ZFHX3: variants seen among roughly 807,000 people sequenced by gnomAD.
ZFHX3 encodes zinc finger homeobox protein 3.
Under a neutral mutation model 279.1 loss-of-function variants are expected in ZFHX3, and 42 were observed. The ratio of observed to expected loss-of-function variants is 0.15; its 90% CI spans 0.12 to 0.19. The LOEUF (loss-of-function observed/expected upper bound fraction) is 0.19. Among genes scored for constraint, ZFHX3 ranks in the 10% least tolerant of loss-of-function variants. The pLI is 1.00. For missense variants in ZFHX3, 4,981 were observed against 4,754.0 expected, an observed-to-expected ratio of 1.05 and a Z score of -1.40; for synonymous variants, 2,293 against 1,957.8, an observed-to-expected ratio of 1.17 and a Z score of -4.52.
At chr16:73,737,111 G>C (rs2053616437) in intron 1 of ZFHX3, among the ~76,000 whole-genome samples, 1 of 152,100 alleles carries the variant, frequency 6.6e-6, no homozygotes, top group Middle Eastern at 3.4e-3. Flanking sequence ...ACAGTACATT[G>C]TAGCCTCAGT....
intron 2 of ZFHX3, among the ~76,000 whole-genome samples, chr16:73,525,449 G>C (rs751445650): frequency 1.3e-5 from 2 of 152,110 alleles, no homozygotes; most frequent in Non-Finnish European, 2.9e-5. Flanking sequence ...ATGAAAAAGA[G>C]GATCTCACGG....
chr16:72,939,336 C>T lies in ZFHX3; in HGVS notation c.3216+11133G>A, dbSNP rs1056566293. Reference sequence around the variant, plus strand: ...CCTGGGCCTGCGACAATGAGCAGTTCGTAAAGAATCTGGAACATGAAACAT... The same window carrying T: ...CCTGGGCCTGCGACAATGAGCAGTTTGTAAAGAATCTGGAACATGAAACAT... On this transcript the variant is annotated intron_variant, in intron 3 of 9. Transcript: ENST00000268489. 8.5e-5 allele frequency among the ~76,000 whole-genome samples: 13 copies of T among 152,092 alleles called. No homozygotes were observed. In the East Asian group the frequency reaches 1.7e-3, roughly 20 times the overall value.
chr16:72,894,624 G>A (rs2038852206), intron 3 of ZFHX3, among the ~76,000 whole-genome samples: 1 of 152,208 alleles, frequency 6.6e-6, no homozygotes, highest in Admixed American at 6.5e-5. Context: ...TCATTTGGAG[G>A]AGGAGGGAGA....
chr16:72,849,760 C>T (rs1484863985), intron 4 of ZFHX3, among the ~76,000 whole-genome samples: 5 of 150,748 alleles, frequency 3.3e-5, no homozygotes, highest in African/African-American at 4.9e-5. Context: ...CCTGGTTGTT[C>T]GAGAGTAGGA....
chr16:73,361,555 T>C (rs1215390252), intron 3 of ZFHX3, among the ~76,000 whole-genome samples: 1 of 152,242 alleles, frequency 6.6e-6, no homozygotes. Flanking sequence ...CTCTCTTAAA[T>C]ATAATTTTCA....
chr16:73,158,073 G>T (rs1256397404), intron 5 of ZFHX3, among the ~76,000 whole-genome samples: 1 of 152,104 alleles, frequency 6.6e-6, no homozygotes, highest in East Asian at 1.9e-4. Context: ...TGGTATTTTG[G>T]TAATCCTTTG....
At chr16:73,663,505 A>T (rs1451087113) in intron 2 of ZFHX3, among the ~76,000 whole-genome samples, 1 of 152,190 alleles carries the variant, frequency 6.6e-6, no homozygotes, top group African/African-American at 2.4e-5. Flanking sequence ...GTATGATCCA[A>T]AGGAAAGCCA....
At chr16:73,035,155 A>C (rs1013952835) in intron 1 of ZFHX3, among the ~76,000 whole-genome samples, 2 of 146,010 alleles carry the variant, frequency 1.4e-5, no homozygotes, top group Non-Finnish European at 3.0e-5. Context: ...GATTTGGTAC[A>C]AAAAAAAGGG....
rs566333287 is a variant in ZFHX3 at position 73,569,932 on chromosome 16, CA to C, written c.-1547+110247del. Among the ~76,000 whole-genome samples, 9 of 151,928 alleles carry C rather than the reference CA, an allele frequency of 5.9e-5. No individual in the cohort carries two copies. The South Asian group carries it at 1.9e-3, about 32-fold the overall frequency. Reference sequence around the variant, plus strand: ...AGGGCAACCACCCGTTTCCCTTAATCACCCCCTCCATGAGAAGGCAGAGGGC... The same window carrying C: ...AGGGCAACCACCCGTTTCCCTTAATCCCCCCTCCATGAGAAGGCAGAGGGC... On this transcript the variant is annotated intron_variant, in intron 2 of 17. Coordinates refer to the ZFHX3 transcript ENST00000641206.
intron 1 of ZFHX3, among the ~76,000 whole-genome samples, chr16:73,690,641 C>G (rs1015189196): frequency 8.5e-5 from 13 of 152,230 alleles, no homozygotes; most frequent in Non-Finnish European, 1.0e-4. Context: ...GACCATGCAA[C>G]TTACTTTAGC....
intron 1 of ZFHX3, among the ~76,000 whole-genome samples, chr16:73,687,490 T>C (rs2053101335): frequency 6.6e-6 from 1 of 152,128 alleles, no homozygotes; most frequent in African/African-American, 2.4e-5. Flanking sequence ...GGCCCCACAG[T>C]GCATCTTCTG....
Position 73,093,541 on chromosome 16 carries a change from A to C in ZFHX3, c.-839T>G, listed in dbSNP as rs75228366. On this transcript the variant is annotated 5_prime_UTR_variant, in exon 8 of 18. Transcript: ENST00000641206. ...CTGTCCACTCTCGGGCTGTCACACA[A>C]GCCTGGAGCCCAGCCATTTCTCGGC... The C allele has an allele frequency of 6.3e-4, 319 of 510,184 alleles. 1 individual carries two copies. The highest frequency in any genetic ancestry group is 5.5e-3 in the African/African-American group (286 of 51,846). The allele number at this position is 510,184 out of a possible 1,614,324, so 31.6% of individuals were successfully genotyped here. A position where few individuals can be genotyped will look rare whatever the true frequency, so the allele number is the denominator to read the frequency against.
At chr16:73,863,931 C>G (rs907248691) in intron 1 of ZFHX3, among the ~76,000 whole-genome samples, 1 of 152,170 alleles carries the variant, frequency 6.6e-6, no homozygotes, top group Non-Finnish European at 1.5e-5. Context: ...AATGATCACG[C>G]TCTTTTCTCC....
At chr16:73,514,212 C>A (rs2019482305) in intron 2 of ZFHX3, among the ~76,000 whole-genome samples, 1 of 151,994 alleles carries the variant, frequency 6.6e-6, no homozygotes, top group Non-Finnish European at 1.5e-5. Context: ...TGCGCCCCTG[C>A]ACCCCAGCCT....
At chr16:73,084,214 A>G (rs1048896475) in intron 8 of ZFHX3, among the ~76,000 whole-genome samples, 1 of 152,236 alleles carries the variant, frequency 6.6e-6, no homozygotes, top group Non-Finnish European at 1.5e-5. Flanking sequence ...CACCATTTTT[A>G]TTCTTGACAA....
chr16:72,979,630 C>T (rs144063617), intron 1 of ZFHX3, among the ~76,000 whole-genome samples: 1 of 152,010 alleles, frequency 6.6e-6, no homozygotes, highest in African/African-American at 2.4e-5. Flanking sequence ...AGACATGGAC[C>T]CCGAAATCAA....
At chr16:73,777,371 C>T (rs886906169) in intron 1 of ZFHX3, among the ~76,000 whole-genome samples, 11 of 151,900 alleles carry the variant, frequency 7.2e-5, no homozygotes, top group Admixed American at 3.3e-4. Flanking sequence ...GGTGTGGTGG[C>T]GCGTGCCTGT....
chr16:72,872,714 C>T (rs111288760), intron 4 of ZFHX3, among the ~76,000 whole-genome samples: 10,016 of 152,272 alleles, frequency 0.066, 878 homozygotes, highest in African/African-American at 0.19. Context: ...CCGCCTCGGC[C>T]TCACAAAGTG....
At chr16:73,167,665 T>A (rs1190068911) in intron 5 of ZFHX3, among the ~76,000 whole-genome samples, 1 of 152,102 alleles carries the variant, frequency 6.6e-6, no homozygotes, top group Non-Finnish European at 1.5e-5. Context: ...AAAAAAACAA[T>A]AAAGCTAGAA....
Sources: allele counts gnomAD v4.1 joint callset (sites outside exome capture counted in the v4.1 genomes callset), GRCh38; gene constraint gnomAD v4.1.1; transcripts MANE v1.5; gene names NCBI Gene and HGNC (gene_info 2026-07-23, HGNC 2026-07-21).